FAT2: variants seen among roughly 807,000 people sequenced by gnomAD.
The protein encoded by FAT2 is protocadherin Fat 2.
In FAT2, 150 loss-of-function variants were observed where a neutral mutation model predicts 295.3. That is an observed-to-expected ratio of 0.51 (90% confidence interval 0.44 to 0.58). The LOEUF (loss-of-function observed/expected upper bound fraction) is 0.58, where lower values mean the gene tolerates loss of function less well. Ranked by LOEUF, FAT2 falls within the 20% of genes least tolerant of loss-of-function variation. The pLI is 0.00. For missense variants in FAT2, 4,868 were observed against 5,442.7 expected (o/e 0.89, Z 3.32); for synonymous variants, 2,026 against 2,150.3 (o/e 0.94, Z 1.60).
chr5:151,585,537 G>C (rs762662480), intron 1 of FAT2, among the ~76,000 whole-genome samples: 3 of 152,218 alleles, frequency 2.0e-5, no homozygotes, highest in Admixed American at 6.5e-5. Flanking sequence ...ACTTGAATCC[G>C]GGAAGTGGAG....
chr5:151,554,821 C>G, intron 4 of FAT2, 148 bp from the exon 5 acceptor site: 2 of 665,668 alleles, frequency 3.0e-6, no homozygotes, highest in Non-Finnish European at 5.0e-6. Flanking sequence ...GAACTCAGCT[C>G]TCTGGCAACT....
intron 3 of FAT2, among the ~76,000 whole-genome samples, chr5:151,562,472 T>C (rs1581442561): frequency 1.3e-5 from 2 of 152,088 alleles, no homozygotes; most frequent in African/African-American, 2.4e-5. Context: ...AGGCAGGTGG[T>C]GTCAATGAGG....
chr5:151,546,164 T>C lies in FAT2; in HGVS notation c.4963A>G (p.Arg1655Gly), dbSNP rs1235884107. 6.2e-7 allele frequency: 1 copy of C among 1,614,216 alleles called. No homozygotes were observed. Among genetic ancestry groups the C allele is most frequent in the Non-Finnish European group, 8.5e-7 (1 of 1,180,036 alleles). Residue 1655 changes from arginine (R) to glycine (G), a missense_variant, in exon 10 of 24, where the codon AGG (arginine) becomes GGG (glycine). Coordinates refer to ENST00000261800, the MANE Select transcript of FAT2 (RefSeq NM_001447.3). ...GATTTTGAAAAGATGGGGGCACTCC[T>C]ATCTGAGGGATAGACATGAATGATC... ...TVIIHVYPSD[R>G]SAPIFSKSEY...
Position 151,554,330 on chromosome 5 carries a change from C to T in FAT2, c.3945+32G>A, listed in dbSNP as rs367779450. ...GAAGGCCACTAACCAGCATGCCACT[C>T]CTCCCTCCGTGGCTTCCTTCTGTCT... is the stretch of plus-strand genomic sequence containing the variant. On this transcript the variant is annotated intron_variant, in intron 5 of 23. Transcript: ENST00000261800. 57 of 1,586,900 alleles carry T rather than the reference C, an allele frequency of 3.6e-5. No homozygotes were observed. In the African/African-American group the frequency reaches 7.0e-4, roughly 19 times the overall value.
chr5:151,543,421 CAGA>C lies in FAT2; in HGVS notation c.7703_7705del (p.Phe2568del), dbSNP rs757115918. 5.6e-6 allele frequency: 9 copies of C among 1,613,942 alleles called. No individual in the cohort carries two copies. The African/African-American group carries it at 1.1e-4, about 19-fold the overall frequency. On this transcript the variant is annotated inframe_deletion, in exon 10 of 24. Transcript: ENST00000261800. ...ATCTGTGAGGATGATCTTCACCGTGCAGAAGGCTACTCTTCCTCCTCCATCCCG... is the reference window on the plus strand; with the variant it reads ...ATCTGTGAGGATGATCTTCACCGTGCAGGCTACTCTTCCTCCTCCATCCCG...
chr5:151,508,174 T>C (rs59546671), intron 22 of FAT2, among the ~76,000 whole-genome samples: 1,872 of 152,328 alleles, frequency 0.012, 40 homozygotes, highest in African/African-American at 0.043. Context: ...TGGCCAGCTT[T>C]ATCCACTTTT....
chr5:151,582,169 C>T (rs1163284295), intron 1 of FAT2, among the ~76,000 whole-genome samples: 2 of 152,220 alleles, frequency 1.3e-5, no homozygotes, highest in Admixed American at 6.5e-5. Flanking sequence ...TTTGGGAGCA[C>T]CCTGAGTAAC....
chr5:151,521,310 C>T lies in FAT2; in HGVS notation c.11283G>A (p.Pro3761=), dbSNP rs374345375. ...AGCAGCTCCTCTGCAGGTGGTGCCG[C>T]GGGGTTAGGATGCTGAGCCTGGCGG... ...YSTARLSILT[P]RHHLQRSCSC... The change falls in exon 19 of 24, where the codon CCG becomes CCA. Residue 3761 remains proline (P), a synonymous_variant. Coordinates refer to ENST00000261800, the MANE Select transcript of FAT2 (RefSeq NM_001447.3). 1.6e-5 allele frequency: 26 copies of T among 1,611,846 alleles called. No homozygotes were observed. In the East Asian group the frequency reaches 1.8e-4, roughly 11 times the overall value.
intron 19 of FAT2, among the ~76,000 whole-genome samples, chr5:151,520,417 A>G (rs988236118): frequency 6.6e-6 from 1 of 152,174 alleles, no homozygotes; most frequent in African/African-American, 2.4e-5. Context: ...ACTAAATCTC[A>G]TATCTCAGTT....
chr5:151,539,391 C>T (rs1755866687), intron 11 of FAT2, among the ~76,000 whole-genome samples: 1 of 152,132 alleles, frequency 6.6e-6, no homozygotes, highest in Non-Finnish European at 1.5e-5. Flanking sequence ...TATGCAAATG[C>T]ATATGTAAGT....
intron 18 of FAT2, among the ~76,000 whole-genome samples, chr5:151,523,218 A>G (rs1421957562): frequency 6.6e-6 from 1 of 152,202 alleles, no homozygotes; most frequent in Non-Finnish European, 1.5e-5. Context: ...ATAATAATTA[A>G]CACTACTGTT....
chr5:151,574,476 A>G (rs895347332), intron 1 of FAT2, among the ~76,000 whole-genome samples: 52 of 152,350 alleles, frequency 3.4e-4, no homozygotes, highest in Middle Eastern at 3.4e-3. Flanking sequence ...TTGAACCAGA[A>G]TAAAAATTGT....
At chr5:151,558,477 G>T (rs1561867966) in intron 3 of FAT2, among the ~76,000 whole-genome samples, 1 of 152,094 alleles carries the variant, frequency 6.6e-6, no homozygotes. Context: ...AAATTAGCTG[G>T]ATGTTGTGGC....
intron 20 of FAT2, among the ~76,000 whole-genome samples, chr5:151,513,790 G>A (rs550329666): frequency 7.2e-5 from 11 of 152,240 alleles, no homozygotes; most frequent in Admixed American, 5.2e-4. Context: ...AGGTATTTAT[G>A]TTGACATGTG....
At chr5:151,568,984 A>AGGG in intron 1 of FAT2, 33 bp from the exon 2 acceptor site, 1 of 1,528,898 alleles carries the variant, frequency 6.5e-7, no homozygotes, top group Non-Finnish European at 8.8e-7. Flanking sequence ...GGTGCAAGTT[A>AGGG]GGGGGAAAAA....
At chr5:151,570,932 G>A (rs1003127358) in intron 1 of FAT2, among the ~76,000 whole-genome samples, 1 of 152,018 alleles carries the variant, frequency 6.6e-6, no homozygotes, top group Non-Finnish European at 1.5e-5. Context: ...TGCCTAAATC[G>A]GGGTCTGAAG....
chr5:151,576,411 C>G (rs185146213), intron 1 of FAT2, among the ~76,000 whole-genome samples: 127 of 152,252 alleles, frequency 8.3e-4, no homozygotes, highest in African/African-American at 2.9e-3. Context: ...TTCACTCACC[C>G]CTAGTTTAAA....
intron 1 of FAT2, among the ~76,000 whole-genome samples, chr5:151,574,659 G>C (rs149018698): frequency 1.6e-4 from 25 of 152,270 alleles, no homozygotes; most frequent in Admixed American, 3.9e-4. Context: ...AGGGATTTTC[G>C]CATTCAAGTC....
At chr5:151,524,111 T>C (rs77403474) in intron 18 of FAT2, among the ~76,000 whole-genome samples, 2,232 of 152,186 alleles carry the variant, frequency 0.015, 60 homozygotes, top group African/African-American at 0.051. Context: ...ACCCACTCTA[T>C]AGAGCTTGAA....
Sources: allele counts gnomAD v4.1 joint callset (sites outside exome capture counted in the v4.1 genomes callset), GRCh38; gene constraint gnomAD v4.1.1; transcripts MANE v1.5; gene names NCBI Gene and HGNC (gene_info 2026-07-23, HGNC 2026-07-21).